Variants in ESCO1 observed in about 807,000 individuals in gnomAD.
ESCO1 encodes establishment of sister chromatid cohesion N-acetyltransferase 1.
ESCO1 carries 33 observed loss-of-function variants against 83.5 expected under a neutral mutation model. The ratio of observed to expected loss-of-function variants is 0.40; its 90% CI spans 0.30 to 0.53. The LOEUF (loss-of-function observed/expected upper bound fraction) is 0.53. ESCO1 is among the 20% of genes least tolerant of loss of function. The pLI, the probability that ESCO1 is intolerant of heterozygous loss-of-function variation, is 0.63. For synonymous variants in ESCO1, 332 were observed against 324.3 expected, an observed-to-expected ratio of 1.02 and a Z score of -0.25; for missense variants, 855 against 968.0, an observed-to-expected ratio of 0.88 and a Z score of 1.55.
chr18:21,600,522 A>T (rs891408901), intron 1 of ESCO1, 101 bp downstream of exon 1: 2 of 152,494 alleles, frequency 1.3e-5, no homozygotes, highest in Admixed American at 6.5e-5. Flanking sequence ...CACGCCACCG[A>T]GGGTGGAACA....
chr18:21,583,047 G>A lies in ESCO1; in HGVS notation c.-694+1263C>T, dbSNP rs71358433. ...TCTCTACAAATATACAAAAATTAGC[G>A]GGCAGGCACCTGTAATCCCAGCTAC... On this transcript the variant is annotated intron_variant, in intron 2 of 11. Transcript: ENST00000269214. Among the ~76,000 whole-genome samples the A allele has an allele frequency of 4.9e-3, 737 of 151,874 alleles. 7 individuals are homozygous for A. Among genetic ancestry groups the A allele is most frequent in the African/African-American group, 0.017 (690 of 41,440 alleles).
chr18:21,574,341 T>C lies in ESCO1; in HGVS notation c.503A>G (p.Asn168Ser). 6.2e-7 allele frequency: 1 copy of C among 1,613,890 alleles called. No homozygotes were observed. The highest frequency in any genetic ancestry group is 1.1e-5 in the South Asian group (1 of 91,046). ...EQCSSTQSKSNKTSQKHVKRK... is the reference protein window; with the variant it reads ...EQCSSTQSKSSKTSQKHVKRK... ...CTTCACATGTTTTTGACTTGTTTTA[T>C]TAGATTTACTCTGAGTACTGCTACA... Residue 168 changes from asparagine to serine, a missense_variant, in exon 4 of 12, where the codon AAT (asparagine) becomes AGT (serine). Physicochemically the swap from Asn to Ser is conservative, Grantham distance 46. This residue lies in a region of ESCO1 where 726 missense variants were observed against 699.5 expected (regional missense o/e 1.04). Coordinates refer to ENST00000269214, the MANE Select transcript of ESCO1 (RefSeq NM_052911.3).
In ESCO1 at chr18:21,574,824, T is replaced by C. The variant is rs1399232243; in HGVS notation, c.20A>G (p.Lys7Arg). Residue 7 changes from lysine to arginine, a missense_variant, in exon 4 of 12, where the codon AAA becomes AGA. By Grantham distance (26) the Lys-to-Arg change is conservative. Around this residue, in one of 2 missense-constraint regions of ESCO1, gnomAD observed 726 missense variants for 699.5 expected, o/e 1.04. Coordinates refer to ENST00000269214, the MANE Select transcript of ESCO1 (RefSeq NM_052911.3). The part of the protein sequence containing the change: MMSIQE[K>R]SKENSSKVTK... ...AACTTTGGAGGAATTCTCTTTTGAT[T>C]TCTCCTGAATGGACATCATTCCTGA... 6.3e-7 allele frequency: 1 copy of C among 1,590,008 alleles called. No individual in the cohort carries two copies. Among genetic ancestry groups the C allele is most frequent in the East Asian group, 2.2e-5 (1 of 44,824 alleles).
At chr18:21,572,407 T>C (rs1479630618) in intron 4 of ESCO1, among the ~76,000 whole-genome samples, 1 of 152,236 alleles carries the variant, frequency 6.6e-6, no homozygotes, top group East Asian at 1.9e-4. Flanking sequence ...TTAAAACTAC[T>C]TTCTTAGGTA....
At chr18:21,570,721 G>A (rs1464375731) in intron 4 of ESCO1, among the ~76,000 whole-genome samples, 2 of 152,166 alleles carry the variant, frequency 1.3e-5, no homozygotes, top group Non-Finnish European at 2.9e-5. Context: ...GCTCACACCT[G>A]TAATCCCAGC....
intron 7 of ESCO1, 35 bp from the exon 8 acceptor site, chr18:21,561,025 C>T (rs1176612126): frequency 1.3e-6 from 2 of 1,556,474 alleles, no homozygotes; most frequent in Non-Finnish European, 1.7e-6. Flanking sequence ...TTTTTTTCCT[C>T]CCAAAAGAAT....
chr18:21,542,685 A>G (rs191021852), intron 8 of ESCO1, among the ~76,000 whole-genome samples: 1 of 152,370 alleles, frequency 6.6e-6, no homozygotes, highest in East Asian at 1.9e-4. Flanking sequence ...GGGTAAATAC[A>G]GCAATAAATT....
At chr18:21,532,967 G>A (rs1270441667) in intron 10 of ESCO1, among the ~76,000 whole-genome samples, 1 of 152,080 alleles carries the variant, frequency 6.6e-6, no homozygotes, top group East Asian at 1.9e-4. Flanking sequence ...TTGCCATCAT[G>A]AGGAGCCCCC....
chr18:21,571,306 G>T (rs140419608), intron 4 of ESCO1, among the ~76,000 whole-genome samples: 2 of 152,018 alleles, frequency 1.3e-5, no homozygotes, highest in East Asian at 3.9e-4. Flanking sequence ...TTCCACCTCA[G>T]CCTCCTGAGT....
chr18:21,581,625 T>G (rs1409052634), intron 2 of ESCO1, among the ~76,000 whole-genome samples: 1 of 151,548 alleles, frequency 6.6e-6, no homozygotes, highest in Non-Finnish European at 1.5e-5. Context: ...AACAAATAAA[T>G]AAATAAAATA....
At chr18:21,588,877 T>C (rs1288942414) in intron 1 of ESCO1, among the ~76,000 whole-genome samples, 1 of 149,940 alleles carries the variant, frequency 6.7e-6, no homozygotes, top group East Asian at 2.0e-4. Flanking sequence ...GGCAACAGAG[T>C]GAGACTCTGT....
At chr18:21,583,862 C>T (rs970239896) in intron 2 of ESCO1, among the ~76,000 whole-genome samples, 1 of 152,212 alleles carries the variant, frequency 6.6e-6, no homozygotes, top group African/African-American at 2.4e-5. Context: ...GTTTATTATA[C>T]ATAAATTATG....
At chr18:21,550,369 G>A (rs1332217220) in intron 8 of ESCO1, among the ~76,000 whole-genome samples, 4 of 152,176 alleles carry the variant, frequency 2.6e-5, no homozygotes, top group East Asian at 1.9e-4. Flanking sequence ...TAAACCTTAC[G>A]ACTATATGAA....
At position 21,559,772 on chromosome 18, in the gene ESCO1, G is replaced by A. The variant is rs115144239; in HGVS notation, c.1953+1087C>T. On this transcript the variant is annotated intron_variant, in intron 8 of 11. Coordinates refer to ENST00000269214, the MANE Select transcript of ESCO1 (RefSeq NM_052911.3). The stretch of plus-strand genomic sequence containing the variant: ...AATGATAAAACAATATCCAGCTATA[G>A]ATATTCTATGTCCACGCACCTTATA... Among the ~76,000 whole-genome samples, 1,100 of 152,308 alleles carry A rather than the reference G, an allele frequency of 7.2e-3. 15 individuals carry two copies. Among genetic ancestry groups the A allele is most frequent in the African/African-American group, 0.025 (1,037 of 41,556 alleles).
At position 21,573,492 on chromosome 18, in the gene ESCO1, T is replaced by C. The variant is rs750426481; in HGVS notation, c.1352A>G (p.Gln451Arg). 2.5e-6 allele frequency: 4 copies of C among 1,612,016 alleles called. No homozygotes were observed. In the African/African-American group the frequency reaches 4.0e-5, roughly 16 times the overall value. Reference protein sequence around the residue: ...TKLHDRNITCQQEKMKEINSE... With the variant: ...TKLHDRNITCRQEKMKEINSE... Reference sequence around the variant, plus strand: ...ATTAATTTCTTTCATTTTTTCCTGCTGGCAAGTTATATTTCTATCATGTAG... The same window carrying C: ...ATTAATTTCTTTCATTTTTTCCTGCCGGCAAGTTATATTTCTATCATGTAG... Residue 451 changes from glutamine to arginine, a missense_variant, in exon 4 of 12, where the codon CAG becomes CGG. Coordinates refer to ENST00000269214, the MANE Select transcript of ESCO1 (RefSeq NM_052911.3).
At chr18:21,590,685 C>G (rs1399239716) in intron 1 of ESCO1, among the ~76,000 whole-genome samples, 3 of 151,950 alleles carry the variant, frequency 2.0e-5, no homozygotes, top group Non-Finnish European at 2.9e-5. Context: ...GCAAGAGGCT[C>G]ATACCTGTAA....
chr18:21,541,128 A>C (rs2037900252), intron 8 of ESCO1, among the ~76,000 whole-genome samples: 1 of 152,194 alleles, frequency 6.6e-6, no homozygotes, highest in South Asian at 2.1e-4. Context: ...TAAAATATTT[A>C]AAATCCAAAA....
Position 21,574,678 on chromosome 18 carries a change from T to C in ESCO1, c.166A>G (p.Lys56Glu), listed in dbSNP as rs1370408160. ...KSQAKSSSES[K>E]INQPELETRM... ...GTTTCCAATTCTGGCTGATTTATTT[T>C]ACTTTCACTGGAAGATTTAGCCTGT... Residue 56 changes from lysine (K) to glutamate (E), a missense_variant, in exon 4 of 12, where the codon AAA becomes GAA. Physicochemically the swap from Lys to Glu is moderately conservative, Grantham distance 56 (BLOSUM62 1). Around this residue, in one of 2 missense-constraint regions of ESCO1, gnomAD observed 726 missense variants for 699.5 expected, o/e 1.04. Transcript: ENST00000269214. The C allele has an allele frequency of 6.2e-7, 1 of 1,613,754 alleles. No homozygotes were observed. The highest frequency in any genetic ancestry group is 1.7e-4 in the Middle Eastern group (1 of 6,060).
intron 2 of ESCO1, among the ~76,000 whole-genome samples, chr18:21,579,771 GACACACACACACACGCGCGCGCGCAC>G (rs1299413882): frequency 1.2e-4 from 14 of 117,798 alleles, no homozygotes; most frequent in African/African-American, 4.8e-4. Context: ...GCGAGATTCT[GACACACACACACACGCGCGCGCGCAC>G]ACACACACAC....
Sources: allele counts gnomAD v4.1 joint callset (sites outside exome capture counted in the v4.1 genomes callset), GRCh38; gene constraint gnomAD v4.1.1; regional missense constraint gnomAD v4.1.1; transcripts MANE v1.5; gene names NCBI Gene and HGNC (gene_info 2026-07-23, HGNC 2026-07-21).